RAB4A: variants seen among roughly 807,000 people sequenced by gnomAD.
RAB4A encodes RAB4A, member RAS oncogene family.
RAB4A carries 20 observed loss-of-function variants against 34.5 expected under a neutral mutation model. That is an observed-to-expected ratio of 0.58 (90% CI 0.41 to 0.84). RAB4A has a LOEUF of 0.84. Ranked by LOEUF, RAB4A falls within the 40% of genes least tolerant of loss-of-function variation. The pLI is 0.00. For synonymous variants in RAB4A, 102 were observed against 100.0 expected (o/e 1.02, Z -0.12); for missense variants, 228 against 274.5 (o/e 0.83, Z 1.20).
chr1:229,298,920 G>A lies in RAB4A; in HGVS notation c.446-57G>A, dbSNP rs1657310070. The A allele has an allele frequency of 1.7e-5, 22 of 1,310,390 alleles. No individual in the cohort carries two copies. The South Asian group carries it at 2.6e-4, about 16-fold the overall frequency. 81.2% of individuals were successfully genotyped at this position (1,310,390 alleles called of 1,614,324 possible). ...GAGAATGCTACACAGGCTTTTGTAA[G>A]TGAAAATTATGATCATCTTCTAAAC... On this transcript the variant is annotated intron_variant, in intron 5 of 7. Transcript: ENST00000366690.
intron 1 of RAB4A, among the ~76,000 whole-genome samples, chr1:229,284,838 A>G (rs369738066): frequency 2.6e-5 from 4 of 152,046 alleles, no homozygotes; most frequent in South Asian, 4.2e-4. Flanking sequence ...TTTAATTTCA[A>G]AATTCCTGTT....
rs375418124 is a variant in RAB4A, at chr1:229,305,353, T to C, written c.*1560T>C. The C allele has an allele frequency of 4.2e-5, 60 of 1,442,836 alleles. No homozygotes were observed. Among genetic ancestry groups the C allele is most frequent in the Non-Finnish European group, 5.3e-5 (57 of 1,075,834 alleles). 89.4% of individuals were successfully genotyped at this position (1,442,836 alleles called of 1,614,324 possible). On this transcript the variant is annotated 3_prime_UTR_variant, in exon 8 of 8. Coordinates refer to ENST00000366690, the MANE Select transcript of RAB4A (RefSeq NM_004578.4). ...CAGCTTTTTGCATGGGATAGGAGCA[T>C]GTCTATTCTAACACATCAGCTTATT... is the stretch of plus-strand genomic sequence containing the variant.
At chr1:229,293,599 C>T (rs1288179654) in intron 3 of RAB4A, among the ~76,000 whole-genome samples, 1 of 152,174 alleles carries the variant, frequency 6.6e-6, no homozygotes, top group African/African-American at 2.4e-5. Context: ...GTGGTCCAGG[C>T]CCTGTGCTAG....
chr1:229,305,059 T>A lies in RAB4A; in HGVS notation c.*1266T>A. ...TAGTTGAAGACTAGTAAATTAACTT[T>A]TAGTTAGAAGATGCCTACTGCTTTT... On this transcript the variant is annotated 3_prime_UTR_variant, in exon 8 of 8. Transcript: ENST00000366690. 7.0e-7 allele frequency: 1 copy of A among 1,418,864 alleles called. No homozygotes were observed. Among genetic ancestry groups the A allele is most frequent in the South Asian group, 1.7e-5 (1 of 60,524 alleles). 87.9% of individuals were successfully genotyped at this position (1,418,864 alleles called of 1,614,324 possible). A position where few individuals can be genotyped will look rare whatever the true frequency, so the allele number is the denominator to read the frequency against.
Position 229,286,529 on chromosome 1 carries a change from C to G in RAB4A, c.75C>G (p.Gly25=). Residue 25 remains glycine, a synonymous_variant, in exon 2 of 8, where the codon GGC becomes GGG. Transcript: ENST00000366690. ...TGGTTATTGGAAATGCAGGAACTGGCAAATCTTGCTTACTTCATCAGTTTA... is the reference window on the plus strand; with the variant it reads ...TGGTTATTGGAAATGCAGGAACTGGGAAATCTTGCTTACTTCATCAGTTTA... The part of the protein sequence containing the change: ...KFLVIGNAGT[G]KSCLLHQFIE... 1 of 1,581,166 alleles carries G rather than the reference C, an allele frequency of 6.3e-7. No homozygotes were observed. Among genetic ancestry groups the G allele is most frequent in the Non-Finnish European group, 8.6e-7 (1 of 1,165,414 alleles).
At chr1:229,278,677 A>G (rs982732955) in intron 1 of RAB4A, among the ~76,000 whole-genome samples, 1 of 151,586 alleles carries the variant, frequency 6.6e-6, no homozygotes, top group Non-Finnish European at 1.5e-5. Context: ...TTCCCTTTCC[A>G]CTGGTAGCTT....
chr1:229,300,133 T>C (rs1269720040), intron 6 of RAB4A, among the ~76,000 whole-genome samples: 1 of 152,240 alleles, frequency 6.6e-6, no homozygotes, highest in Non-Finnish European at 1.5e-5. Context: ...TCCCAGGCTC[T>C]GCCTCTGGAG....
At chr1:229,294,890 A>G (rs1657195937) in intron 3 of RAB4A, among the ~76,000 whole-genome samples, 1 of 152,096 alleles carries the variant, frequency 6.6e-6, no homozygotes, top group Non-Finnish European at 1.5e-5. Flanking sequence ...AAGATGGTGC[A>G]GCATATTTCT....
chr1:229,300,404 A>ACTG (rs748095748), intron 6 of RAB4A, among the ~76,000 whole-genome samples: 6 of 152,224 alleles, frequency 3.9e-5, no homozygotes, highest in Non-Finnish European at 7.3e-5. Context: ...GTAAGAGATG[A>ACTG]CTGATTAATG....
At chr1:229,279,005 T>C (rs982207780) in intron 1 of RAB4A, among the ~76,000 whole-genome samples, 4 of 152,224 alleles carry the variant, frequency 2.6e-5, no homozygotes, top group African/African-American at 9.6e-5. Flanking sequence ...ATTGGCAACT[T>C]ATTATTTTAC....
chr1:229,280,568 G>A (rs568591414), intron 1 of RAB4A, among the ~76,000 whole-genome samples: 5 of 151,442 alleles, frequency 3.3e-5, no homozygotes, highest in South Asian at 2.1e-4. Flanking sequence ...TTTTTTTTCC[G>A]TTAAGCTTTC....
intron 1 of RAB4A, among the ~76,000 whole-genome samples, chr1:229,277,542 G>T (rs1206256047): frequency 6.6e-6 from 1 of 151,202 alleles, no homozygotes; most frequent in African/African-American, 2.5e-5. Context: ...CTTATATTCT[G>T]TCCTCTGCCA....
At chr1:229,283,020 A>G (rs1365879904) in intron 1 of RAB4A, among the ~76,000 whole-genome samples, 2 of 152,190 alleles carry the variant, frequency 1.3e-5, no homozygotes, top group Admixed American at 1.3e-4. Context: ...TGAAACGTGG[A>G]TATTTTTATA....
At chr1:229,287,083 G>A (rs1656942214) in intron 2 of RAB4A, among the ~76,000 whole-genome samples, 1 of 152,180 alleles carries the variant, frequency 6.6e-6, no homozygotes, top group African/African-American at 2.4e-5. Context: ...GACCTTGGAA[G>A]GCTGTAGAAG....
At chr1:229,276,846 ATCT>A (rs1430802907) in intron 1 of RAB4A, among the ~76,000 whole-genome samples, 1 of 150,958 alleles carries the variant, frequency 6.6e-6, no homozygotes, top group Non-Finnish European at 1.5e-5. Flanking sequence ...TGTGCTGACT[ATCT>A]TACAGCTTGC....
chr1:229,272,117 CT>C (rs541195333), intron 1 of RAB4A, among the ~76,000 whole-genome samples: 1,610 of 144,936 alleles, frequency 0.011, 19 homozygotes, highest in African/African-American at 0.033. Flanking sequence ...ATGCTGTGTG[CT>C]TTTTTTTTTT....
intron 1 of RAB4A, among the ~76,000 whole-genome samples, chr1:229,275,456 GT>G (rs1656615513): frequency 6.6e-6 from 1 of 152,082 alleles, no homozygotes; most frequent in African/African-American, 2.4e-5. Flanking sequence ...AACTTCTGTT[GT>G]TTTAAGCTTC....
At chr1:229,292,131 C>T (rs1425167267) in intron 3 of RAB4A, among the ~76,000 whole-genome samples, 4 of 151,030 alleles carry the variant, frequency 2.6e-5, no homozygotes, top group South Asian at 2.1e-4. Context: ...GACGAGTTAG[C>T]GGTTGCAGCA....
intron 1 of RAB4A, among the ~76,000 whole-genome samples, chr1:229,271,596 G>A (rs1656480436): frequency 6.6e-6 from 1 of 152,194 alleles, no homozygotes; most frequent in Non-Finnish European, 1.5e-5. Context: ...TGTGCACAGC[G>A]CATTGGCGTG....
Sources: allele counts gnomAD v4.1 joint callset (sites outside exome capture counted in the v4.1 genomes callset), GRCh38; gene constraint gnomAD v4.1.1; transcripts MANE v1.5; gene names NCBI Gene and HGNC (gene_info 2026-07-23, HGNC 2026-07-21).